The following DDX52 variants were observed in gnomAD, a reference collection of about 807,000 sequenced individuals.
The protein encoded by DDX52 is DExD-box helicase 52, also known as probable ATP-dependent RNA helicase DDX52.
A neutral mutation model predicts 76.1 loss-of-function variants in DDX52; 59 were observed. That is an observed-to-expected ratio of 0.78 (90% confidence interval 0.63 to 0.96). The LOEUF (loss-of-function observed/expected upper bound fraction) is 0.96, where lower values mean the gene tolerates loss of function less well. Ranked by LOEUF, DDX52 falls within the 40% of genes least tolerant of loss-of-function variation. DDX52 has a pLI of 0.00. For synonymous variants in DDX52, 231 were observed against 244.1 expected (o/e 0.95, Z 0.50); for missense variants, 707 against 703.9 (o/e 1.00, Z -0.05).
At chr17:37,631,184 C>T (rs2030664916) in intron 4 of DDX52, 1 of 152,176 alleles carries the variant, frequency 6.6e-6, no homozygotes, top group South Asian at 2.1e-4. Context: ...CTTATTGCTA[C>T]AGAAACAAAC....
At chr17:37,616,446 AG>A (rs2064426687) in intron 14 of DDX52, among the ~76,000 whole-genome samples, 2 of 152,160 alleles carry the variant, frequency 1.3e-5, no homozygotes, top group South Asian at 2.1e-4. Flanking sequence ...GGAGTTTGAG[AG>A]TTCGAGACCA....
At chr17:37,614,869 GAA>G in intron 14 of DDX52, 1 of 152,438 alleles carries the variant, frequency 6.6e-6, no homozygotes, top group Non-Finnish European at 1.5e-5. Flanking sequence ...ACAGACAAAG[GAA>G]AAAAGTTTTG....
At position 37,633,655 on chromosome 17, in the gene DDX52, CAAAAAAAA is replaced by C. The variant is rs374530358; in HGVS notation, c.287-245_287-238del. ...TGGGTAACAGAGAAAAACCTTGTCTCAAAAAAAAAAAAAAAGAAAAAAGGTTTTAATCT... is the reference window on the plus strand; with the variant it reads ...TGGGTAACAGAGAAAAACCTTGTCTCAAAAAAAGAAAAAAGGTTTTAATCT... On this transcript the variant is annotated intron_variant, in intron 2 of 14. Coordinates refer to ENST00000617633, the MANE Select transcript of DDX52 (RefSeq NM_007010.5). 8.9e-4 allele frequency among the ~76,000 whole-genome samples: 72 copies of C among 80,804 alleles called. No homozygotes were observed. In the South Asian group the frequency reaches 0.027, roughly 30 times the overall value. 53.0% of individuals were successfully genotyped at this position (80,804 alleles called of 152,430 possible). A position where few individuals can be genotyped will look rare whatever the true frequency, so the allele number is the denominator to read the frequency against.
At chr17:37,639,377 G>T in intron 2 of DDX52, 1 of 986,426 alleles carries the variant, frequency 1.0e-6, no homozygotes. Flanking sequence ...CCCTTTATGA[G>T]ACAGTTGGTA....
In DDX52 at chr17:37,614,354, C is replaced by T; in HGVS notation, c.1743-1G>A. On this transcript the variant is annotated splice_acceptor_variant, in intron 14 of 14. Transcript: ENST00000617633. LOFTEE classifies it high-confidence loss of function. ...GCTGTTCTGACCAGTGACCTTTTTC[C>T]TGTAAAGAGCAAAGTAAGAAAAATT... 6.2e-7 allele frequency: 1 copy of T among 1,608,916 alleles called. No individual in the cohort carries two copies. The highest frequency in any genetic ancestry group is 8.5e-7 in the Non-Finnish European group (1 of 1,178,488).
Position 37,633,335 on chromosome 17 carries a change from C to G in DDX52, c.370G>C (p.Glu124Gln). Residue 124 changes from glutamate (E) to glutamine (Q), a missense_variant, in exon 3 of 15, where the codon GAA (glutamate) becomes CAA (glutamine). Glu to Gln is a conservative substitution (Grantham distance 29). Coordinates refer to ENST00000617633, the MANE Select transcript of DDX52 (RefSeq NM_007010.5). ...AACTTTCCGGAAGTTAGTTTACTTT[C>G]TCTCTGAACTTTTTTGTCTTCAATC... ...AKIEDKKVQR[E>Q]SKLTSGKLEN... The G allele has an allele frequency of 1.2e-6, 2 of 1,611,960 alleles. No individual in the cohort carries two copies. Among genetic ancestry groups the G allele is most frequent in the South Asian group, 1.1e-5 (1 of 90,652 alleles).
intron 6 of DDX52, among the ~76,000 whole-genome samples, chr17:37,628,150 A>G (rs2030484688): frequency 6.6e-6 from 1 of 152,130 alleles, no homozygotes; most frequent in South Asian, 2.1e-4. Context: ...AATGGTATAA[A>G]TCAGAATTTT....
chr17:37,617,255 G>C (rs2029873176), intron 14 of DDX52, among the ~76,000 whole-genome samples: 1 of 152,162 alleles, frequency 6.6e-6, no homozygotes, highest in African/African-American at 2.4e-5. Flanking sequence ...CTGGATATAA[G>C]CATTAGCATA....
rs539523533 is a variant in DDX52 at position 37,618,518 on chromosome 17, G to A, written c.1650-134C>T. On this transcript the variant is annotated intron_variant, in intron 13 of 14. Transcript: ENST00000617633. Reference sequence around the variant, plus strand: ...TCCTTTGAGACGGAGTTTTGCTCTTGTTGCCCAGGCTGGAGTGCAATGGCA... The same window carrying A: ...TCCTTTGAGACGGAGTTTTGCTCTTATTGCCCAGGCTGGAGTGCAATGGCA... 8.7e-4 allele frequency: 607 copies of A among 701,208 alleles called. 1 individual carries two copies. Among genetic ancestry groups the A allele is most frequent in the Non-Finnish European group, 1.1e-3 (506 of 463,482 alleles). 43.4% of individuals were successfully genotyped at this position (701,208 alleles called of 1,614,324 possible).
chr17:37,641,226 C>A (rs1025607976), intron 2 of DDX52, among the ~76,000 whole-genome samples: 8 of 151,942 alleles, frequency 5.3e-5, no homozygotes, highest in African/African-American at 9.7e-5. Flanking sequence ...CACGATGAAA[C>A]CTGGTCTCTA....
intron 2 of DDX52, 99 bp from the exon 3 acceptor site, chr17:37,633,517 G>A (rs2030784308): frequency 4.0e-6 from 4 of 991,732 alleles, no homozygotes; most frequent in South Asian, 2.4e-5. Flanking sequence ...TCAAGGGTGG[G>A]TGGTGGTGCA....
intron 5 of DDX52, among the ~76,000 whole-genome samples, chr17:37,629,747 G>A (rs1415018738): frequency 6.6e-6 from 1 of 152,104 alleles, no homozygotes; most frequent in African/African-American, 2.4e-5. Flanking sequence ...AAAAATAAAT[G>A]TCCAAGCAGG....
chr17:37,628,660 ACT>A lies in DDX52; in HGVS notation c.758_759del (p.Glu253ValfsTer6), dbSNP rs1568604813. On this transcript the variant is annotated frameshift_variant, in exon 6 of 15. Transcript: ENST00000617633. LOFTEE classifies it high-confidence loss of function. ...TRELASQIHRELIKISEGTGF... is the reference protein window; with the variant it reads ...TRELASQIHRXLIKISEGTGF... ...CCTGTTCCCTCAGAAATTTTTATTA[ACT>A]CTCTGTGAATCTAAAAAAAAAAAGA... 4.4e-6 allele frequency: 7 copies of A among 1,597,288 alleles called. No homozygotes were observed. Among genetic ancestry groups the A allele is most frequent in the Admixed American group, 1.8e-5 (1 of 56,040 alleles).
Position 37,628,660 on chromosome 17 carries a change from A to T in DDX52, c.760T>A (p.Leu254Ile). 6.3e-7 allele frequency: 1 copy of T among 1,597,288 alleles called. No homozygotes were observed. Among genetic ancestry groups the T allele is most frequent in the African/African-American group, 1.4e-5 (1 of 74,050 alleles). The change falls in exon 6 of 15, where the codon TTA (leucine) becomes ATA (isoleucine). Residue 254 changes from leucine to isoleucine, a missense_variant. Coordinates refer to ENST00000617633, the MANE Select transcript of DDX52 (RefSeq NM_007010.5). ...CCTGTTCCCTCAGAAATTTTTATTAACTCTCTGTGAATCTAAAAAAAAAAA... is the reference window on the plus strand; with the variant it reads ...CCTGTTCCCTCAGAAATTTTTATTATCTCTCTGTGAATCTAAAAAAAAAAA... ...RELASQIHRELIKISEGTGFR... is the reference protein window; with the variant it reads ...RELASQIHREIIKISEGTGFR...
At position 37,642,225 on chromosome 17, in the gene DDX52, A is replaced by G; in HGVS notation, c.171T>C (p.Gly57=). 6.2e-7 allele frequency: 1 copy of G among 1,614,114 alleles called. No individual in the cohort carries two copies. Among genetic ancestry groups the G allele is most frequent in the South Asian group, 1.1e-5 (1 of 91,082 alleles). ...GATGTGTTTGTGATGCTCCACACAC[A>G]CCTGGGACAGACTTCTTGTTTCCAA... ...DFFGNKKSVP[G]VCGASQTHQK... The change falls in exon 2 of 15, where the codon GGT becomes GGC. Residue 57 remains glycine (G), a synonymous_variant. Transcript: ENST00000617633.
In DDX52 at chr17:37,612,415, G is replaced by A. The variant is rs1269734311; in HGVS notation, c.*1881C>T. The A allele has an allele frequency of 1.3e-5, 2 of 152,114 alleles. No homozygotes were observed. Among genetic ancestry groups the A allele is most frequent in the Non-Finnish European group, 2.9e-5 (2 of 68,030 alleles). The allele number at this position is 152,114 out of a possible 1,614,324, so 9.4% of individuals were successfully genotyped here. Reference sequence around the variant, plus strand: ...TCAATAAATTTAGTATAGGTTAAGTGTGCAGTGTTTATACAAGTCTACATG... The same window carrying A: ...TCAATAAATTTAGTATAGGTTAAGTATGCAGTGTTTATACAAGTCTACATG... On this transcript the variant is annotated 3_prime_UTR_variant, in exon 15 of 15. Coordinates refer to ENST00000617633, the MANE Select transcript of DDX52 (RefSeq NM_007010.5).
intron 2 of DDX52, among the ~76,000 whole-genome samples, chr17:37,640,032 A>G (rs2031115620): frequency 6.6e-6 from 1 of 152,232 alleles, no homozygotes; most frequent in Non-Finnish European, 1.5e-5. Context: ...GCATCCCTAC[A>G]ATGTATGATG....
intron 11 of DDX52, 88 bp from the exon 12 acceptor site, chr17:37,621,036 C>G: frequency 6.4e-7 from 1 of 1,556,350 alleles, no homozygotes; most frequent in Non-Finnish European, 8.6e-7. Flanking sequence ...ATTTTCACAG[C>G]ACTAAGAAGT....
At chr17:37,617,601 G>A (rs2029877117) in intron 14 of DDX52, among the ~76,000 whole-genome samples, 1 of 152,206 alleles carries the variant, frequency 6.6e-6, no homozygotes. Context: ...ATGTGCATCT[G>A]CGTAAGCCTG....
Sources: gnomAD v4.1 joint callset for allele counts (sites outside exome capture counted in the v4.1 genomes callset) on GRCh38, gnomAD v4.1.1 for gene constraint, MANE v1.5 for transcripts, NCBI Gene and HGNC (gene_info 2026-07-23, HGNC 2026-07-21) for gene names.